The following PDE11A variants were observed in gnomAD, a reference collection of about 807,000 sequenced individuals.
PDE11A encodes the protein phosphodiesterase 11A.
In PDE11A, 100 loss-of-function variants were observed where a neutral mutation model predicts 100.5. The ratio of observed to expected loss-of-function variants is 1.00; its 90% CI spans 0.85 to 1.18. The LOEUF is 1.18. PDE11A is among the 50% of genes most tolerant of loss of function. The pLI is 0.00. For missense variants in PDE11A, 1,141 were observed against 1,152.6 expected, an observed-to-expected ratio of 0.99 and a Z score of 0.15; for synonymous variants, 381 against 420.8, an observed-to-expected ratio of 0.91 and a Z score of 1.16.
At position 177,719,745 on chromosome 2, in the gene PDE11A, G is replaced by C. The variant is rs141162929; in HGVS notation, c.2044-7867C>G. ...GGTATTTTAAAATTTCTGGTACGTA[G>C]AGTGTTGCAGGGTCACTCTCTGGGG... On this transcript the variant is annotated intron_variant, in intron 12 of 19. Transcript: ENST00000286063. Among the ~76,000 whole-genome samples, 9 of 152,194 alleles carry C rather than the reference G, an allele frequency of 5.9e-5. No individual in the cohort carries two copies. The East Asian group carries it at 1.7e-3, about 29-fold the overall frequency.
At chr2:177,905,209 G>C in intron 2 of PDE11A, 22 bp from the exon 3 acceptor site, 1 of 1,353,380 alleles carries the variant, frequency 7.4e-7, no homozygotes, top group Non-Finnish European at 1.1e-6. Context: ...AGAGTAGTAA[G>C]AACATTAAAA....
intron 5 of PDE11A, among the ~76,000 whole-genome samples, chr2:177,840,613 G>T (rs997709701): frequency 6.6e-6 from 1 of 152,180 alleles, no homozygotes; most frequent in Non-Finnish European, 1.5e-5. Context: ...GATTCCCTAT[G>T]ATTCAGAGAG....
chr2:177,904,650 G>A (rs569261953), intron 3 of PDE11A, among the ~76,000 whole-genome samples: 6 of 146,714 alleles, frequency 4.1e-5, no homozygotes, highest in African/African-American at 1.2e-4. Context: ...CGCCTCCTGG[G>A]TTCAAGCAAT....
chr2:178,009,211 C>T (rs777324095), intron 2 of PDE11A, among the ~76,000 whole-genome samples: 40 of 152,248 alleles, frequency 2.6e-4, no homozygotes, highest in Admixed American at 4.6e-4. Flanking sequence ...ATCAATCACC[C>T]AGGAATAACA....
intron 2 of PDE11A, among the ~76,000 whole-genome samples, chr2:177,990,755 A>T (rs894711334): frequency 7.0e-6 from 1 of 141,934 alleles, no homozygotes; most frequent in Admixed American, 7.2e-5. Flanking sequence ...AAAAAAAGGA[A>T]AAAAAAGGCG....
At chr2:177,697,691 T>C (rs1193762522) in intron 14 of PDE11A, among the ~76,000 whole-genome samples, 4 of 152,324 alleles carry the variant, frequency 2.6e-5, no homozygotes, top group African/African-American at 9.6e-5. Context: ...TGTTGGAACT[T>C]ATCTTACTAT....
In PDE11A at chr2:177,917,924, T is replaced by C. The variant is rs373828653; in HGVS notation, c.1072-12737A>G. Among the ~76,000 whole-genome samples the C allele has an allele frequency of 2.6e-5, 4 of 152,342 alleles. No individual in the cohort carries two copies. The East Asian group carries it at 7.7e-4, about 29-fold the overall frequency. The stretch of plus-strand genomic sequence containing the variant: ...ACAGAGAAGGCTATGAAAATATGCT[T>C]AGAGCATTAATATTTAATTAATGTA... On this transcript the variant is annotated intron_variant, in intron 2 of 19. Coordinates refer to ENST00000286063, the MANE Select transcript of PDE11A (RefSeq NM_016953.4).
chr2:177,666,904 A>ATTT (rs2080595785), intron 18 of PDE11A, among the ~76,000 whole-genome samples: 1 of 141,380 alleles, frequency 7.1e-6, no homozygotes, highest in Non-Finnish European at 1.5e-5. Context: ...GATAAAGTTC[A>ATTT]ATTTATTTAT....
At chr2:177,722,565 A>G (rs2105441041) in intron 12 of PDE11A, among the ~76,000 whole-genome samples, 1 of 152,302 alleles carries the variant, frequency 6.6e-6, no homozygotes, top group African/African-American at 2.4e-5. Flanking sequence ...GGGCTCTGAG[A>G]TGCAGTCAGA....
rs1357287450 is a variant in PDE11A at position 177,728,062 on chromosome 2, C to T, written c.1899G>A (p.Glu633=). ...MITAALRMFM[E]LGMVQKFKID... is the part of the protein sequence containing the mutation. ...TTTTAAATTTCTGTACCATCCCCAG[C>T]TCCATGAACATCCGGAGAGCAGCTG... The change falls in exon 11 of 20, where the codon GAG becomes GAA. Residue 633 remains glutamate (E), a synonymous_variant. Coordinates refer to ENST00000286063, the MANE Select transcript of PDE11A (RefSeq NM_016953.4). 6.2e-7 allele frequency: 1 copy of T among 1,613,450 alleles called. No homozygotes were observed. The highest frequency in any genetic ancestry group is 8.5e-7 in the Non-Finnish European group (1 of 1,179,518).
chr2:177,795,973 A>ATATATATATATATATATATATATATC (rs1553475866), intron 9 of PDE11A, among the ~76,000 whole-genome samples: 1 of 129,394 alleles, frequency 7.7e-6, no homozygotes, highest in African/African-American at 2.9e-5. Flanking sequence ...ATATATATAT[A>ATATATATATATATATATATATATATC]TATCTTTGCT....
At chr2:177,782,009 C>T (rs1247290655) in intron 9 of PDE11A, among the ~76,000 whole-genome samples, 1 of 152,060 alleles carries the variant, frequency 6.6e-6, no homozygotes, top group Non-Finnish European at 1.5e-5. Flanking sequence ...TTTTAGTAAC[C>T]ACACTTTAAA....
intron 9 of PDE11A, among the ~76,000 whole-genome samples, chr2:177,797,412 T>C (rs191174886): frequency 6.6e-6 from 1 of 152,312 alleles, no homozygotes; most frequent in East Asian, 1.9e-4. Flanking sequence ...ATGGGAATGA[T>C]ACTGTGTACT....
chr2:177,923,540 T>C (rs535016406), intron 2 of PDE11A, among the ~76,000 whole-genome samples: 1 of 152,308 alleles, frequency 6.6e-6, no homozygotes, highest in African/African-American at 2.4e-5. Context: ...TGGTCATTGT[T>C]GACCCAATCT....
chr2:178,074,811 G>A (rs1054291557), upstream of PDE11A, among the ~76,000 whole-genome samples: 6 of 152,138 alleles, frequency 3.9e-5, no homozygotes, highest in Admixed American at 1.3e-4. Flanking sequence ...GTTTTGAATC[G>A]GCTGTAGCCA....
At chr2:177,959,736 T>A (rs766934091) in intron 2 of PDE11A, among the ~76,000 whole-genome samples, 29 of 152,122 alleles carry the variant, frequency 1.9e-4, no homozygotes, top group Non-Finnish European at 3.8e-4. Flanking sequence ...GATATATCAA[T>A]CGGATATCCA....
At chr2:178,070,706 T>A (rs2105872280) in intron 1 of PDE11A, among the ~76,000 whole-genome samples, 1 of 152,348 alleles carries the variant, frequency 6.6e-6, no homozygotes, top group South Asian at 2.1e-4. Flanking sequence ...TGAGAGCATG[T>A]TGGGTTTCCT....
chr2:177,848,057 C>T (rs765205771), intron 5 of PDE11A, among the ~76,000 whole-genome samples: 3 of 151,938 alleles, frequency 2.0e-5, no homozygotes, highest in Non-Finnish European at 2.9e-5. Flanking sequence ...GAAAAAATGG[C>T]ATAGAATTCT....
intron 4 of PDE11A, among the ~76,000 whole-genome samples, chr2:177,891,274 GC>G (rs2084524614): frequency 6.6e-6 from 1 of 152,198 alleles, no homozygotes; most frequent in Non-Finnish European, 1.5e-5. Flanking sequence ...TGGGCCTCCA[GC>G]CTGGGTGACA....
Sources: allele counts gnomAD v4.1 joint callset (sites outside exome capture counted in the v4.1 genomes callset), GRCh38; gene constraint gnomAD v4.1.1; transcripts MANE v1.5; gene names NCBI Gene and HGNC (gene_info 2026-07-23, HGNC 2026-07-21).